Variants in SCN7A observed in about 807,000 individuals in gnomAD.
SCN7A encodes the protein sodium voltage-gated channel alpha subunit 7.
SCN7A carries 138 observed loss-of-function variants against 155.2 expected under a neutral mutation model. That is an observed-to-expected ratio of 0.89 (90% CI 0.77 to 1.02). The LOEUF is 1.02. SCN7A is among the 50% of genes least tolerant of loss of function. SCN7A has a pLI of 0.00. For missense variants in SCN7A, 2,058 were observed against 1,986.6 expected, an observed-to-expected ratio of 1.04 and a Z score of -0.68; for synonymous variants, 693 against 649.0, an observed-to-expected ratio of 1.07 and a Z score of -1.03.
intron 11 of SCN7A, 22 bp from the exon 12 acceptor site, chr2:166,447,730 T>A: frequency 6.5e-7 from 1 of 1,539,016 alleles, no homozygotes; most frequent in Non-Finnish European, 9.0e-7. Flanking sequence ...TTTGATGGTT[T>A]AATACTGGCT....
rs1054808419 is a variant in SCN7A, at chr2:166,404,729, A to G, written c.*851T>C. 1.3e-5 allele frequency: 2 copies of G among 151,282 alleles called. No homozygotes were observed. The highest frequency in any genetic ancestry group is 3.0e-5 in the Non-Finnish European group (2 of 67,762). 9.4% of individuals were successfully genotyped at this position (151,282 alleles called of 1,614,324 possible). A position where few individuals can be genotyped will look rare whatever the true frequency, so the allele number is the denominator to read the frequency against. ...TAACTGGTAAAAATACATCAATTTC[A>G]TAAGGTAAAGCTTGAGTCTATTAAC... On this transcript the variant is annotated 3_prime_UTR_variant, in exon 26 of 26. Transcript: ENST00000643258.
At chr2:166,488,193 T>TTA (rs1703094240) in intron 1 of SCN7A, among the ~76,000 whole-genome samples, 1 of 152,194 alleles carries the variant, frequency 6.6e-6, no homozygotes, top group South Asian at 2.1e-4. Context: ...TGACTGCACT[T>TTA]AATAGATATA....
rs753040342 is a variant in SCN7A at position 166,473,941 on chromosome 2, T to G, written c.354-53A>C. 3.2e-6 allele frequency: 3 copies of G among 935,046 alleles called. No homozygotes were observed. The Admixed American group carries it at 6.4e-5, about 20-fold the overall frequency. The allele number at this position is 935,046 out of a possible 1,614,324, so 57.9% of individuals were successfully genotyped here. ...AATAAATAATATTGGAAAAGATATA[T>G]TTCTATGATATATATTTCTTAAATG... On this transcript the variant is annotated intron_variant, in intron 4 of 25. Transcript: ENST00000643258.
chr2:166,447,894 G>A (rs923580198), intron 11 of SCN7A, among the ~76,000 whole-genome samples, 186 bp from the exon 12 acceptor site: 1 of 152,112 alleles, frequency 6.6e-6, no homozygotes, highest in Non-Finnish European at 1.5e-5. Flanking sequence ...TGCATACAAT[G>A]TATAATGATC....
intron 2 of SCN7A, among the ~76,000 whole-genome samples, chr2:166,481,291 GA>G (rs1166583463): frequency 8.6e-5 from 13 of 151,900 alleles, no homozygotes; most frequent in Non-Finnish European, 1.0e-4. Flanking sequence ...AGTTAAATAA[GA>G]ATAAATCAAA....
chr2:166,470,657 C>G lies in SCN7A; in HGVS notation c.622G>C (p.Ala208Pro), dbSNP rs1369811256. The change falls in exon 7 of 26, where the codon GCA (alanine) becomes CCA (proline). Residue 208 changes from alanine to proline, a missense_variant. Coordinates refer to ENST00000643258, the MANE Select transcript of SCN7A (RefSeq NM_002976.4). ...PLDFIPTLQT[A>P]RTLRILKIIP... is the part of the protein sequence containing the mutation. Reference sequence around the variant, plus strand: ...ATTTTTAAAATTCTCAAAGTTCTTGCAGTTTGAAGCGTTGGAATGAAGTCC... The same window carrying G: ...ATTTTTAAAATTCTCAAAGTTCTTGGAGTTTGAAGCGTTGGAATGAAGTCC... The G allele has an allele frequency of 6.2e-7, 1 of 1,608,692 alleles. No homozygotes were observed. Among genetic ancestry groups the G allele is most frequent in the Non-Finnish European group, 8.5e-7 (1 of 1,176,756 alleles).
intron 25 of SCN7A, among the ~76,000 whole-genome samples, chr2:166,407,168 G>A (rs932047871): frequency 6.6e-6 from 1 of 151,976 alleles, no homozygotes; most frequent in African/African-American, 2.4e-5. Context: ...CTGGCATTCA[G>A]TGATTCATAG....
At chr2:166,418,624 A>G (rs1479639390) in intron 20 of SCN7A, among the ~76,000 whole-genome samples, 1 of 151,818 alleles carries the variant, frequency 6.6e-6, no homozygotes, top group East Asian at 1.9e-4. Context: ...TAGGCTTTTA[A>G]CTATGATTTC....
At chr2:166,485,288 A>C (rs1453687426) in intron 2 of SCN7A, among the ~76,000 whole-genome samples, 1 of 152,164 alleles carries the variant, frequency 6.6e-6, no homozygotes, top group African/African-American at 2.4e-5. Flanking sequence ...GGTTCTACAG[A>C]TTATGTGTTA....
intron 23 of SCN7A, among the ~76,000 whole-genome samples, chr2:166,411,943 T>C (rs1701212002): frequency 6.6e-6 from 1 of 152,088 alleles, no homozygotes; most frequent in African/African-American, 2.4e-5. Flanking sequence ...TAACTTGACT[T>C]AGATGTCTTT....
In SCN7A at chr2:166,473,872, T is replaced by C. The variant is rs1325106965; in HGVS notation, c.370A>G (p.Ile124Val). The C allele has an allele frequency of 6.4e-7, 1 of 1,567,392 alleles. No homozygotes were observed. Among genetic ancestry groups the C allele is most frequent in the Non-Finnish European group, 8.7e-7 (1 of 1,152,786 alleles). The change falls in exon 5 of 26, where the codon ATT becomes GTT. Residue 124 changes from isoleucine (I) to valine (V), a missense_variant. Transcript: ENST00000643258. ...VLVHPFFQLF[I>V]LISVLIDCVF... ...CAATCAATCAGGACACTAATTAGAA[T>C]AAACAGTTGGAAAAAGGTAGCTTAT...
At chr2:166,418,830 T>A in intron 20 of SCN7A, among the ~76,000 whole-genome samples, 1 of 152,190 alleles carries the variant, frequency 6.6e-6, no homozygotes. Flanking sequence ...TTAAACTTAT[T>A]AAATACATAA....
chr2:166,456,777 A>G (rs918198366), intron 11 of SCN7A, 93 bp downstream of exon 11: 4 of 578,328 alleles, frequency 6.9e-6, no homozygotes, highest in Admixed American at 3.7e-5. Flanking sequence ...TCATGAGCAA[A>G]TAAATGATTG....
At chr2:166,433,581 C>T (rs11900439) in intron 15 of SCN7A, among the ~76,000 whole-genome samples, 27 of 152,022 alleles carry the variant, frequency 1.8e-4, no homozygotes, top group Non-Finnish European at 3.4e-4. Flanking sequence ...AGATTAGACC[C>T]AAGTCTGCTT....
chr2:166,484,766 G>A lies in SCN7A; in HGVS notation c.-15+2090C>T, dbSNP rs530084914. ...GCAGAAAATAAAAAGGAAACCAGAA[G>A]ACAGTATAACAGTATCTTAAAGGTG... On this transcript the variant is annotated intron_variant, in intron 2 of 25. Transcript: ENST00000643258. Among the ~76,000 whole-genome samples the A allele has an allele frequency of 5.9e-5, 9 of 151,924 alleles. No individual in the cohort carries two copies. In the East Asian group the frequency reaches 7.7e-4, roughly 13 times the overall value.
intron 25 of SCN7A, 60 bp downstream of exon 25, chr2:166,409,605 G>A (rs1028682761): frequency 3.2e-6 from 4 of 1,249,960 alleles, no homozygotes; most frequent in Non-Finnish European, 4.3e-6. Context: ...CATATTTACT[G>A]TAAGAGCTTA....
chr2:166,423,514 T>G (rs1414764435), intron 18 of SCN7A, 82 bp from the exon 19 acceptor site: 5 of 1,416,732 alleles, frequency 3.5e-6, no homozygotes, highest in Admixed American at 6.3e-5. Flanking sequence ...GAACAAAATT[T>G]TGTCTCTAAT....
At chr2:166,439,533 G>T (rs1315100020) in intron 15 of SCN7A, among the ~76,000 whole-genome samples, 2 of 152,124 alleles carry the variant, frequency 1.3e-5, no homozygotes, top group Admixed American at 1.3e-4. Flanking sequence ...TCTCTGTAAT[G>T]ATCCCATTTA....
chr2:166,470,512 A>T (rs1260691277), intron 7 of SCN7A, 103 bp downstream of exon 7: 1 of 968,254 alleles, frequency 1.0e-6, no homozygotes, highest in African/African-American at 1.7e-5. Flanking sequence ...CAAAGTGGAA[A>T]CATTATTCAA....
Sources: gnomAD v4.1 joint callset for allele counts (sites outside exome capture counted in the v4.1 genomes callset) on GRCh38, gnomAD v4.1.1 for gene constraint, MANE v1.5 for transcripts, NCBI Gene and HGNC (gene_info 2026-07-23, HGNC 2026-07-21) for gene names.